The following DENND4C variants were observed in gnomAD, a reference collection of about 807,000 sequenced individuals.
DENND4C encodes DENN domain containing 4C.
In DENND4C, 108 loss-of-function variants were observed where a neutral mutation model predicts 203.0. That is an observed-to-expected ratio of 0.53 (90% CI 0.46 to 0.62). The LOEUF is 0.62. Ranked by LOEUF, DENND4C falls within the 20% of genes least tolerant of loss-of-function variation. The pLI is 0.00. For missense variants in DENND4C, 2,481 were observed against 2,301.2 expected, an observed-to-expected ratio of 1.08 and a Z score of -1.60; for synonymous variants, 871 against 792.4, an observed-to-expected ratio of 1.10 and a Z score of -1.67.
chr9:19,314,460 C>T (rs1021352462), intron 10 of DENND4C, among the ~76,000 whole-genome samples: 4 of 151,990 alleles, frequency 2.6e-5, no homozygotes, highest in Non-Finnish European at 4.4e-5. Flanking sequence ...ACATGGGGTA[C>T]AGTGTATACT....
In DENND4C at chr9:19,324,419, C is replaced by T. The variant is rs1318467766; in HGVS notation, c.1865C>T (p.Thr622Ile). 1 of 1,612,626 alleles carries T rather than the reference C, an allele frequency of 6.2e-7. No individual in the cohort carries two copies. The highest frequency in any genetic ancestry group is 8.5e-7 in the Non-Finnish European group (1 of 1,179,512). ...YAKFYTLLSK[T>I]QIFIRFIEEC... ...AAATTCTATACCCTTTTATCCAAAA[C>T]ACAGATTTTTATTCGTTTCATTGAA... is the stretch of plus-strand genomic sequence containing the variant. The change falls in exon 13 of 33, where the codon ACA becomes ATA. Residue 622 changes from threonine (T) to isoleucine (I), a missense_variant. By Grantham distance (89) the Thr-to-Ile change is moderately conservative (BLOSUM62 -1). Transcript: ENST00000434457.
chr9:19,244,481 C>T (rs1167022471), intron 1 of DENND4C, among the ~76,000 whole-genome samples: 1 of 151,872 alleles, frequency 6.6e-6, no homozygotes, highest in Admixed American at 6.6e-5. Context: ...TGGCTCACAC[C>T]TGTAATCCCA....
intron 10 of DENND4C, among the ~76,000 whole-genome samples, chr9:19,314,440 C>CA (rs1841378380): frequency 6.6e-6 from 1 of 152,006 alleles, no homozygotes; most frequent in African/African-American, 2.4e-5. Flanking sequence ...GGCGACAGCT[C>CA]AAAGACTACA....
Position 19,346,053 on chromosome 9 carries a change from G to A in DENND4C, c.3284G>A (p.Ser1095Asn), listed in dbSNP as rs1822822584. The A allele has an allele frequency of 1.2e-6, 2 of 1,614,168 alleles. No homozygotes were observed. Among genetic ancestry groups the A allele is most frequent in the East Asian group, 2.2e-5 (1 of 44,886 alleles). ...RQKHFPERSC[S>N]FSSESRAGML... ...AAGCATTTTCCTGAGAGGAGTTGTA[G>A]TTTTAGTTCTGAAAGTCGAGCAGGA... is the stretch of plus-strand genomic sequence containing the variant. The change falls in exon 23 of 33, where the codon AGT (serine) becomes AAT (asparagine). Residue 1095 changes from serine to asparagine, a missense_variant. By Grantham distance (46) the Ser-to-Asn change is conservative (BLOSUM62 1). Transcript: ENST00000434457.
At chr9:19,282,243 T>G (rs541932160) in intron 2 of DENND4C, among the ~76,000 whole-genome samples, 19 of 152,076 alleles carry the variant, frequency 1.2e-4, no homozygotes, top group Admixed American at 7.8e-4. Flanking sequence ...AATTTTATTT[T>G]AAAAATTTAT....
At chr9:19,353,493 C>T (rs921700791) in intron 26 of DENND4C, among the ~76,000 whole-genome samples, 9 of 151,382 alleles carry the variant, frequency 5.9e-5, no homozygotes, top group African/African-American at 1.2e-4. Flanking sequence ...CCAGGTGTGG[C>T]GGCGTGCGCC....
chr9:19,372,879 A>AAAAAG lies in DENND4C; in HGVS notation c.*707_*708insAAAGA, dbSNP rs1563853490. The AAAAAG allele has an allele frequency of 6.6e-6, 1 of 151,382 alleles. No homozygotes were observed. Among genetic ancestry groups the AAAAAG allele is most frequent in the African/African-American group, 2.4e-5 (1 of 40,896 alleles). The allele number at this position is 151,382 out of a possible 1,614,324, so 9.4% of individuals were successfully genotyped here. The stretch of plus-strand genomic sequence containing the variant: ...GTCTCAAAAAAAAAAAAAAAAAAAA[A>AAAAAG]AGAGAGCAACATATTTGTGTAAGTT... On this transcript the variant is annotated 3_prime_UTR_variant, in exon 33 of 33. Transcript: ENST00000434457.
In DENND4C at chr9:19,372,049, A is replaced by T; in HGVS notation, c.5753A>T (p.Asn1918Ile). 1 of 1,603,290 alleles carries T rather than the reference A, an allele frequency of 6.2e-7. No homozygotes were observed. Among genetic ancestry groups the T allele is most frequent in the Non-Finnish European group, 8.5e-7 (1 of 1,176,982 alleles). The change falls in exon 33 of 33, where the codon AAT becomes ATT. Residue 1918 changes from asparagine (N) to isoleucine (I), a missense_variant. Around this residue, in one of 3 missense-constraint regions of DENND4C, gnomAD observed 2,289 missense variants for 2,113.3 expected, o/e 1.08. Transcript: ENST00000434457. ...RENIDIEAFD[N>I]EYGIAYNSLS... ...AAATTTCTTTCAGAGGCATTTGACA[A>T]TGAATATGGAATTGCATACAATAGT...
chr9:19,336,451 A>T (rs1820495627), intron 19 of DENND4C, 37 bp downstream of exon 19: 2 of 1,589,146 alleles, frequency 1.3e-6, no homozygotes, highest in Non-Finnish European at 1.7e-6. Flanking sequence ...TCCTTACTGA[A>T]CCATGAGCTT....
At chr9:19,302,378 A>G (rs529716621) in intron 9 of DENND4C, among the ~76,000 whole-genome samples, 2 of 152,360 alleles carry the variant, frequency 1.3e-5, no homozygotes, top group African/African-American at 2.4e-5. Context: ...GAAGAGAAGG[A>G]TATCATATTT....
chr9:19,240,237 GCTATAGC>G (rs1165525254), intron 1 of DENND4C, among the ~76,000 whole-genome samples: 4 of 152,052 alleles, frequency 2.6e-5, no homozygotes, highest in South Asian at 2.1e-4. Context: ...ACTCTTGTAG[GCTATAGC>G]CTATAGCCTA....
Position 19,243,316 on chromosome 9 carries a change from G to A in DENND4C, c.-18+12483G>A, listed in dbSNP as rs575382629. Among the ~76,000 whole-genome samples the A allele has an allele frequency of 6.4e-4, 97 of 152,266 alleles. 2 individuals carry two copies. Among genetic ancestry groups the A allele is most frequent in the Admixed American group, 6.4e-3 (97 of 15,268 alleles). The stretch of plus-strand genomic sequence containing the variant: ...TTCAGGTTCACCTATGTTGTAGTAT[G>A]TATCACTCCTTCATTCCTTTTTTAA... On this transcript the variant is annotated intron_variant, in intron 1 of 32. Coordinates refer to ENST00000434457, the MANE Select transcript of DENND4C (RefSeq NM_001330640.2).
At chr9:19,305,702 G>A (rs1839515611) in intron 10 of DENND4C, among the ~76,000 whole-genome samples, 175 bp downstream of exon 10, 3 of 150,090 alleles carry the variant, frequency 2.0e-5, no homozygotes, top group Admixed American at 1.3e-4. Flanking sequence ...TGTGATTTGG[G>A]AAAAAAAAAT....
chr9:19,316,846 A>C lies in DENND4C; in HGVS notation c.1807+7A>C, dbSNP rs114303514. ...TCATTGTTTGACCGACAGGGTGAGT[A>C]GCATTGAAAGTACAATTCCTTTTAT... On this transcript the variant is annotated splice_region_variant and intron_variant, in intron 12 of 32. Transcript: ENST00000434457. 2,256 of 1,601,494 alleles carry C rather than the reference A, an allele frequency of 1.4e-3. 39 individuals are homozygous for C. In the African/African-American group the frequency reaches 0.028, roughly 20 times the overall value.
chr9:19,234,530 GTT>G (rs34232597), intron 1 of DENND4C, among the ~76,000 whole-genome samples: 1,110 of 104,426 alleles, frequency 0.011, 7 homozygotes, highest in Non-Finnish European at 0.016. Context: ...GCACCTGGCT[GTT>G]TTTTTTTTTT....
At chr9:19,274,985 T>G (rs1832575566) in intron 1 of DENND4C, among the ~76,000 whole-genome samples, 1 of 152,196 alleles carries the variant, frequency 6.6e-6, no homozygotes, top group Admixed American at 6.5e-5. Flanking sequence ...TTTAGTATTA[T>G]TATTTTTTTG....
Position 19,332,187 on chromosome 9 carries a change from A to G in DENND4C, c.2460+3A>G. On this transcript the variant is annotated splice_donor_region_variant and intron_variant, in intron 17 of 32. Coordinates refer to ENST00000434457, the MANE Select transcript of DENND4C (RefSeq NM_001330640.2). The stretch of plus-strand genomic sequence containing the variant: ...CAGATGTGGATCCCTTAGATGAGGC[A>G]AGTATAACAAATTGACATTGTTTCT... 6.2e-7 allele frequency: 1 copy of G among 1,611,526 alleles called. No homozygotes were observed. Among genetic ancestry groups the G allele is most frequent in the Non-Finnish European group, 8.5e-7 (1 of 1,178,258 alleles).
At chr9:19,326,321 A>G in intron 15 of DENND4C, 127 bp downstream of exon 15, 3 of 982,452 alleles carry the variant, frequency 3.1e-6, no homozygotes, top group Non-Finnish European at 4.2e-6. Context: ...ACTAATGTAG[A>G]TAAATATTTT....
chr9:19,344,079 A>T (rs1822266297), intron 22 of DENND4C, among the ~76,000 whole-genome samples: 2 of 152,330 alleles, frequency 1.3e-5, no homozygotes, highest in South Asian at 2.1e-4. Flanking sequence ...TGATATGATT[A>T]TCAGTACTAA....
Sources: gnomAD v4.1 joint callset for allele counts (sites outside exome capture counted in the v4.1 genomes callset) on GRCh38, gnomAD v4.1.1 for gene constraint, gnomAD v4.1.1 regional missense constraint, MANE v1.5 for transcripts, NCBI Gene and HGNC (gene_info 2026-07-23, HGNC 2026-07-21) for gene names.